MSR1: variants seen among roughly 807,000 people sequenced by gnomAD.
MSR1 encodes the protein macrophage scavenger receptor types I and II.
Under a neutral mutation model 47.2 loss-of-function variants are expected in MSR1, and 53 were observed. That is an observed-to-expected ratio of 1.12 (90% CI 0.90 to 1.41). MSR1 has a LOEUF of 1.41. Among genes scored for constraint, MSR1 ranks in the 40% most tolerant of loss-of-function variants. The pLI, the probability that MSR1 is intolerant of heterozygous loss-of-function variation, is 0.00. For missense variants in MSR1, 786 were observed against 546.9 expected, an observed-to-expected ratio of 1.44 and a Z score of -4.36; for synonymous variants, 239 against 185.6, an observed-to-expected ratio of 1.29 and a Z score of -2.34.
intron 3 of MSR1, 104 bp from the exon 4 acceptor site, chr8:16,168,974 C>A: frequency 1.7e-6 from 2 of 1,208,332 alleles, no homozygotes; most frequent in Non-Finnish European, 2.4e-6. Context: ...CCATTCCATT[C>A]CAACATTTTG....
At chr8:16,169,680 A>C in intron 3 of MSR1, among the ~76,000 whole-genome samples, 1 of 152,022 alleles carries the variant, frequency 6.6e-6, no homozygotes. Flanking sequence ...AACAATCTGG[A>C]AACAACTTTT....
At chr8:16,129,664 C>T (rs997703785) in intron 8 of MSR1, among the ~76,000 whole-genome samples, 4 of 152,166 alleles carry the variant, frequency 2.6e-5, no homozygotes, top group Middle Eastern at 3.4e-3. Flanking sequence ...GGGAAGATCA[C>T]TTGAGGACAG....
At chr8:16,186,208 T>C (rs1249684432) in intron 1 of MSR1, 1 of 1,535,302 alleles carries the variant, frequency 6.5e-7, no homozygotes. Flanking sequence ...AGATAGCACA[T>C]CCAGGGGAGT....
At chr8:16,191,203 G>A (rs905251187) in intron 1 of MSR1, among the ~76,000 whole-genome samples, 1 of 152,170 alleles carries the variant, frequency 6.6e-6, no homozygotes, top group Non-Finnish European at 1.5e-5. Context: ...GAACCCGTCT[G>A]TAAGACAGAT....
intron 3 of MSR1, among the ~76,000 whole-genome samples, chr8:16,174,498 T>C (rs1032388320): frequency 2.6e-5 from 4 of 152,212 alleles, no homozygotes; most frequent in African/African-American, 9.6e-5. Context: ...AACAGTCAAA[T>C]CTATCTCCGG....
chr8:16,114,842 T>C (rs1316978588), intron 9 of MSR1, among the ~76,000 whole-genome samples: 1 of 152,178 alleles, frequency 6.6e-6, no homozygotes, highest in Non-Finnish European at 1.5e-5. Context: ...CCAAAAATTA[T>C]ATTCTTTCTA....
At chr8:16,161,570 A>G (rs1801164660) in intron 5 of MSR1, among the ~76,000 whole-genome samples, 1 of 152,010 alleles carries the variant, frequency 6.6e-6, no homozygotes, top group Non-Finnish European at 1.5e-5. Flanking sequence ...ATCACAATCC[A>G]AGAAATCGGT....
intron 3 of MSR1, 75 bp downstream of exon 3, chr8:16,175,112 A>C: frequency 4.3e-6 from 5 of 1,165,842 alleles, no homozygotes; most frequent in Non-Finnish European, 5.2e-6. Flanking sequence ...AAAAGACTGA[A>C]TGCTTCTTTT....
intron 5 of MSR1, among the ~76,000 whole-genome samples, chr8:16,162,681 T>C (rs1271529645): frequency 2.0e-5 from 3 of 152,014 alleles, no homozygotes; most frequent in South Asian, 2.1e-4. Context: ...TTTTATAGAA[T>C]AGTGTTTATA....
chr8:16,131,378 T>C lies in MSR1; in HGVS notation c.1034-10772A>G, dbSNP rs151109871. 1.1e-3 allele frequency among the ~76,000 whole-genome samples: 163 copies of C among 151,810 alleles called. 1 individual carries two copies. The highest frequency in any genetic ancestry group is 3.3e-3 in the African/African-American group (135 of 41,474). ...CCTTACAGATTCTGGATATTAGACA[T>C]TTTTTGATACATAGTTTGCAAATAT... On this transcript the variant is annotated intron_variant, in intron 8 of 9. Transcript: ENST00000262101.
At chr8:16,171,925 A>T (rs2117192630) in intron 3 of MSR1, among the ~76,000 whole-genome samples, 1 of 152,268 alleles carries the variant, frequency 6.6e-6, no homozygotes, top group African/African-American at 2.4e-5. Flanking sequence ...CAAATAATTA[A>T]ATGAACTATA....
intron 1 of MSR1, among the ~76,000 whole-genome samples, chr8:16,187,418 C>CTG (rs1327683233): frequency 2.1e-5 from 3 of 140,124 alleles, no homozygotes; most frequent in Non-Finnish European, 4.6e-5. Context: ...AGCAAGCAAG[C>CTG]AAGCTGACTG....
At chr8:16,151,728 G>C (rs1021260469) in intron 6 of MSR1, among the ~76,000 whole-genome samples, 5 of 152,112 alleles carry the variant, frequency 3.3e-5, no homozygotes, top group Non-Finnish European at 7.4e-5. Flanking sequence ...AGTTCCATGA[G>C]ACCAGAGTGA....
chr8:16,111,089 T>TGTGATTGTATGTGTGAGC (rs1799746913), intron 9 of MSR1, among the ~76,000 whole-genome samples: 1 of 152,170 alleles, frequency 6.6e-6, no homozygotes, highest in Non-Finnish European at 1.5e-5. Context: ...CTATTGTGTT[T>TGTGATTGTATGTGTGAGC]GTGATTGTAT....
intron 8 of MSR1, among the ~76,000 whole-genome samples, chr8:16,125,171 G>C (rs1417799290): frequency 6.6e-6 from 1 of 152,060 alleles, no homozygotes; most frequent in African/African-American, 2.4e-5. Flanking sequence ...TCTCTTAGAG[G>C]CAGACTAATG....
At position 16,168,811 on chromosome 8, in the gene MSR1, T is replaced by G; in HGVS notation, c.277A>C (p.Ile93Leu). The change falls in exon 4 of 10, where the codon ATA becomes CTA. Residue 93 changes from isoleucine to leucine, a missense_variant. Transcript: ENST00000262101. The stretch of plus-strand genomic sequence containing the variant: ...CCTTTTCCCGTGAGACTTTGAGTTA[T>G]ATCATTTGCATTAGTTGAACTAACT... ...CSVSSTNAND[I>L]TQSLTGKGND... The G allele has an allele frequency of 1.9e-6, 3 of 1,614,058 alleles. No individual in the cohort carries two copies. The highest frequency in any genetic ancestry group is 2.5e-6 in the Non-Finnish European group (3 of 1,180,006).
At chr8:16,169,625 G>T (rs1801424120) in intron 3 of MSR1, among the ~76,000 whole-genome samples, 1 of 152,012 alleles carries the variant, frequency 6.6e-6, no homozygotes. Flanking sequence ...TGGTGTACGT[G>T]TCTCAACCCT....
intron 8 of MSR1, chr8:16,139,405 G>C (rs1180378427): frequency 1.1e-6 from 1 of 923,996 alleles, no homozygotes; most frequent in African/African-American, 1.8e-5. Flanking sequence ...TGTGAGGTAG[G>C]TGTTAACATG....
chr8:16,169,697 A>T (rs2117186051), intron 3 of MSR1, among the ~76,000 whole-genome samples: 1 of 152,116 alleles, frequency 6.6e-6, no homozygotes, highest in Admixed American at 6.5e-5. Context: ...TTTTTAATGT[A>T]ATGCTCTATC....
Sources: gnomAD v4.1 joint callset for allele counts (sites outside exome capture counted in the v4.1 genomes callset) on GRCh38, gnomAD v4.1.1 for gene constraint, MANE v1.5 for transcripts, NCBI Gene and HGNC (gene_info 2026-07-23, HGNC 2026-07-21) for gene names.